Variants in GPR89B observed in about 807,000 individuals in gnomAD.
GPR89B encodes golgi pH regulator B.
A neutral mutation model predicts 52.4 loss-of-function variants in GPR89B; 25 were observed. That is an observed-to-expected ratio of 0.48 (90% confidence interval 0.35 to 0.67). The LOEUF is 0.67. GPR89B is among the 30% of genes least tolerant of loss of function. GPR89B has a pLI of 0.01. For missense variants in GPR89B, 146 were observed against 450.2 expected (o/e 0.32, Z 6.11); for synonymous variants, 52 against 151.2 (o/e 0.34, Z 4.81).
chr1:147,994,490 A>G, downstream of GPR89B: 1 of 561,720 alleles, frequency 1.8e-6, no homozygotes. Flanking sequence ...TGCAGTTGAC[A>G]GCAATTGTGT....
the GPR89B span, among the ~76,000 whole-genome samples, chr1:148,016,460 G>T: frequency 9.2e-6 from 1 of 108,790 alleles, no homozygotes. Context: ...TTCCTGTGTA[G>T]GTACAATGTC....
chr1:147,986,613 C>T (rs1658688643), intron 11 of GPR89B, among the ~76,000 whole-genome samples: 1 of 152,126 alleles, frequency 6.6e-6, no homozygotes, highest in Non-Finnish European at 1.5e-5. Context: ...ACCATTTTCT[C>T]CCCACCAAAG....
At chr1:147,985,330 T>G (rs1466476184) in intron 10 of GPR89B, among the ~76,000 whole-genome samples, 2 of 152,032 alleles carry the variant, frequency 1.3e-5, no homozygotes, top group African/African-American at 4.8e-5. Context: ...CCTTTTACTT[T>G]TAACCTATTT....
At chr1:147,996,058 G>A (rs1659309306), downstream of GPR89B, among the ~76,000 whole-genome samples, 1 of 152,008 alleles carries the variant, frequency 6.6e-6, no homozygotes, top group Admixed American at 6.6e-5. Context: ...ATTTATGAAG[G>A]CTATAACTTC....
At chr1:147,958,689 T>G (rs1249990540) in intron 7 of GPR89B, among the ~76,000 whole-genome samples, 2 of 151,736 alleles carry the variant, frequency 1.3e-5, no homozygotes, top group African/African-American at 4.9e-5. Context: ...GGATACATAC[T>G]TTTAAGCCAT....
At chr1:147,931,894 T>C (rs1287759461) in intron 1 of GPR89B, among the ~76,000 whole-genome samples, 1 of 152,198 alleles carries the variant, frequency 6.6e-6, no homozygotes, top group African/African-American at 2.4e-5. Context: ...GCTGCATCTG[T>C]GTTGCTGCAA....
intron 10 of GPR89B, among the ~76,000 whole-genome samples, chr1:147,978,557 T>G (rs1658008977): frequency 6.6e-6 from 1 of 151,518 alleles, no homozygotes; most frequent in South Asian, 2.1e-4. Context: ...GCCCAGACCC[T>G]TCAGAGCCAG....
chr1:147,977,078 C>T (rs1657886373), intron 10 of GPR89B, among the ~76,000 whole-genome samples: 1 of 150,898 alleles, frequency 6.6e-6, no homozygotes, highest in East Asian at 1.9e-4. Context: ...ACTAAAAATA[C>T]AAAAAATTAG....
At chr1:147,958,863 A>G (rs2784416) in intron 7 of GPR89B, among the ~76,000 whole-genome samples, 2 of 151,166 alleles carry the variant, frequency 1.3e-5, no homozygotes, top group Non-Finnish European at 2.9e-5. Flanking sequence ...GCATGACCCC[A>G]TTACCACAGT....
At chr1:147,932,902 G>T (rs1553247260) in intron 1 of GPR89B, among the ~76,000 whole-genome samples, 2 of 152,050 alleles carry the variant, frequency 1.3e-5, no homozygotes, top group Admixed American at 6.6e-5. Flanking sequence ...AAACAAGCTT[G>T]AGTTCAATCT....
At chr1:148,016,741 A>T in the GPR89B span, among the ~76,000 whole-genome samples, 1 of 151,840 alleles carries the variant, frequency 6.6e-6, no homozygotes, top group Non-Finnish European at 1.5e-5. Context: ...AAAATAACAA[A>T]GAAAGAAAAT....
chr1:148,010,529 G>T, the GPR89B span: 6,721 of 152,376 alleles, frequency 0.044, 211 homozygotes, highest in African/African-American at 0.073. Context: ...CTCAAAAGAG[G>T]TGTAGAGGAA....
rs1463540568 is a variant in GPR89B at position 147,990,638 on chromosome 1, A to G, written c.1096-1864A>G. On this transcript the variant is annotated intron_variant, in intron 12 of 13. Coordinates refer to ENST00000314163, the MANE Select transcript of GPR89B (RefSeq NM_016334.5). Reference sequence around the variant, plus strand: ...ATTAATTTTTGTATAAGGTGTAAGGAAGGGATCCAGTTTCAGCTTTCTACA... The same window carrying G: ...ATTAATTTTTGTATAAGGTGTAAGGGAGGGATCCAGTTTCAGCTTTCTACA... 5.9e-5 allele frequency among the ~76,000 whole-genome samples: 9 copies of G among 152,222 alleles called. 1 individual carries two copies. The South Asian group carries it at 1.9e-3, about 32-fold the overall frequency.
intron 10 of GPR89B, among the ~76,000 whole-genome samples, chr1:147,972,682 G>A (rs2149080655): frequency 6.6e-6 from 1 of 151,192 alleles, no homozygotes; most frequent in East Asian, 1.9e-4. Context: ...AAGTTCTGAG[G>A]TACATGTGCA....
chr1:147,956,939 T>C (rs1656161863), intron 7 of GPR89B, among the ~76,000 whole-genome samples: 1 of 151,916 alleles, frequency 6.6e-6, no homozygotes, highest in Admixed American at 6.5e-5. Flanking sequence ...GGTTTCACCA[T>C]GTTGGACCAG....
At chr1:147,933,819 C>T (rs1420813060) in intron 1 of GPR89B, among the ~76,000 whole-genome samples, 1 of 152,208 alleles carries the variant, frequency 6.6e-6, no homozygotes, top group Non-Finnish European at 1.5e-5. Flanking sequence ...TCTTTCTACA[C>T]TGTCGCTTCC....
At chr1:148,018,365 G>T in the GPR89B span, among the ~76,000 whole-genome samples, 1 of 144,274 alleles carries the variant, frequency 6.9e-6, no homozygotes, top group Non-Finnish European at 1.5e-5. Flanking sequence ...CTTGCAGTGA[G>T]CCAAGATCAT....
the GPR89B span, among the ~76,000 whole-genome samples, chr1:148,021,285 G>A: frequency 2.0e-5 from 3 of 151,594 alleles, no homozygotes; most frequent in South Asian, 2.1e-4. Flanking sequence ...GGCGGAGCAC[G>A]AGGTCAGGAG....
Position 147,929,773 on chromosome 1 carries a change from A to G in GPR89B, c.42+1195A>G, listed in dbSNP as rs1261685488. ...AGAAGGAAAAGCCATCCATAATCCT[A>G]CCGCTCTAATGCAATAGTTTTTCAT... On this transcript the variant is annotated intron_variant, in intron 1 of 13. Coordinates refer to ENST00000314163, the MANE Select transcript of GPR89B (RefSeq NM_016334.5). Among the ~76,000 whole-genome samples, 3 of 148,590 alleles carry G rather than the reference A, an allele frequency of 2.0e-5. No individual in the cohort carries two copies. The East Asian group carries it at 6.1e-4, about 30-fold the overall frequency.
Sources: gnomAD v4.1 joint callset for allele counts (sites outside exome capture counted in the v4.1 genomes callset) on GRCh38, gnomAD v4.1.1 for gene constraint, MANE v1.5 for transcripts, NCBI Gene and HGNC (gene_info 2026-07-23, HGNC 2026-07-21) for gene names.